The following SPNS2 variants were observed in gnomAD, a reference collection of about 807,000 sequenced individuals.
The protein encoded by SPNS2 is sphingosine-1-phosphate transporter SPNS2.
In SPNS2, 37 loss-of-function variants were observed where a neutral mutation model predicts 57.6. That is an observed-to-expected ratio of 0.64 (90% CI 0.49 to 0.85). The LOEUF is 0.85. Among genes scored for constraint, SPNS2 ranks in the 40% least tolerant of loss-of-function variants. The probability of loss-of-function intolerance (pLI) is 0.00; values close to 1 mark genes in which losing one functional copy is unlikely to be tolerated. For synonymous variants in SPNS2, 440 were observed against 346.9 expected, an observed-to-expected ratio of 1.27 and a Z score of -2.98; for missense variants, 831 against 779.1, an observed-to-expected ratio of 1.07 and a Z score of -0.79.
rs1906024211 is a variant in SPNS2, at chr17:4,538,716, G to T, written c.*1268G>T. Reference sequence around the variant, plus strand: ...ATGCTCTTCTTGCCCCTTAGTTACTGGCTGGCTGTGGCTTCAGTGGTGTGT... The same window carrying T: ...ATGCTCTTCTTGCCCCTTAGTTACTTGCTGGCTGTGGCTTCAGTGGTGTGT... On this transcript the variant is annotated 3_prime_UTR_variant, in exon 13 of 13. Transcript: ENST00000329078. The T allele has an allele frequency of 1.6e-6, 1 of 636,802 alleles. No homozygotes were observed. Among genetic ancestry groups the T allele is most frequent in the East Asian group, 2.7e-5 (1 of 36,806 alleles). The allele number at this position is 636,802 out of a possible 1,614,324, so 39.4% of individuals were successfully genotyped here.
In SPNS2 at chr17:4,508,022, C is replaced by T. The variant is rs115658289; in HGVS notation, c.371-5225C>T. 7.4e-3 allele frequency among the ~76,000 whole-genome samples: 1,123 copies of T among 152,282 alleles called. 20 individuals are homozygous for T. The highest frequency in any genetic ancestry group is 0.026 in the African/African-American group (1,068 of 41,550). On this transcript the variant is annotated intron_variant, in intron 1 of 12. Transcript: ENST00000329078. ...CCTCTCGGGGCTACTGAAGAACCAG[C>T]AGTGATGGGGAATCACTGTGAGTGT... is the stretch of plus-strand genomic sequence containing the variant.
intron 1 of SPNS2, among the ~76,000 whole-genome samples, chr17:4,509,670 G>T (rs964844688): frequency 6.6e-6 from 1 of 152,254 alleles, no homozygotes; most frequent in Admixed American, 6.5e-5. Context: ...CCCAGAGTAG[G>T]GGACGTTGGC....
chr17:4,530,305 G>T (rs1351231), intron 3 of SPNS2, among the ~76,000 whole-genome samples: 32,553 of 152,120 alleles, frequency 0.21, 3,967 homozygotes, highest in East Asian at 0.42. Context: ...CCAGTTGGTG[G>T]AGTAGTGGAG....
At chr17:4,532,910 G>A (rs1200253376) in intron 6 of SPNS2, 67 bp from the exon 7 acceptor site, 6 of 1,555,182 alleles carry the variant, frequency 3.9e-6, no homozygotes, top group African/African-American at 2.7e-5. Context: ...TTCCCCCAGT[G>A]CATGGGGCTG....
rs78604908 is a variant in SPNS2, at chr17:4,529,879, C to T, written c.574-753C>T. Among the ~76,000 whole-genome samples, 98 of 152,088 alleles carry T rather than the reference C, an allele frequency of 6.4e-4. 2 individuals carry two copies. Among genetic ancestry groups the T allele is most frequent in the African/African-American group, 1.6e-3 (67 of 41,490 alleles). Reference sequence around the variant, plus strand: ...ACCTGCAGGCACAGCAAGCCAGGAGCGAGGTGAGCAGATGGAGGGAAGTCA... The same window carrying T: ...ACCTGCAGGCACAGCAAGCCAGGAGTGAGGTGAGCAGATGGAGGGAAGTCA... On this transcript the variant is annotated intron_variant, in intron 3 of 12. Coordinates refer to ENST00000329078, the MANE Select transcript of SPNS2 (RefSeq NM_001124758.3).
Position 4,532,621 on chromosome 17 carries a change from A to G in SPNS2, c.872A>G (p.Gln291Arg), listed in dbSNP as rs1217472653. 6.2e-7 allele frequency: 1 copy of G among 1,613,980 alleles called. No homozygotes were observed. Among genetic ancestry groups the G allele is most frequent in the Non-Finnish European group, 8.5e-7 (1 of 1,180,018 alleles). ...GCCACTAAAAGGGGTCATGCCGACCAGCTCGGGGACCAGCTCAAGGCCCGG... is the reference window on the plus strand; with the variant it reads ...GCCACTAAAAGGGGTCATGCCGACCGGCTCGGGGACCAGCTCAAGGCCCGG... ...VPATKRGHAD[Q>R]LGDQLKARTS... Residue 291 changes from glutamine (Q) to arginine (R), a missense_variant, in exon 6 of 13, where the codon CAG (glutamine) becomes CGG (arginine). This residue lies in a region of SPNS2 where 526 missense variants were observed against 400.9 expected (regional missense o/e 1.31). Transcript: ENST00000329078.
intron 2 of SPNS2, among the ~76,000 whole-genome samples, chr17:4,517,060 C>T (rs1388636387): frequency 6.6e-6 from 1 of 152,232 alleles, no homozygotes; most frequent in African/African-American, 2.4e-5. Context: ...TTTCTTCGTT[C>T]TAACCGTGGG....
At chr17:4,527,628 G>A (rs781108870) in intron 3 of SPNS2, among the ~76,000 whole-genome samples, 3 of 152,346 alleles carry the variant, frequency 2.0e-5, no homozygotes, top group East Asian at 1.9e-4. Context: ...CGGCCAATAC[G>A]TGTAGGAAGA....
At position 4,532,021 on chromosome 17, in the gene SPNS2, G is replaced by A. The variant is rs372513612; in HGVS notation, c.793-521G>A. Among the ~76,000 whole-genome samples the A allele has an allele frequency of 2.8e-4, 42 of 152,162 alleles. 1 individual carries two copies. Among genetic ancestry groups the A allele is most frequent in the African/African-American group, 9.4e-4 (39 of 41,456 alleles). ...AGGGCCCTGCGGCTGAGGAACCTAC[G>A]TGGGGAACCTGCTCCAGGAATTTTC... On this transcript the variant is annotated intron_variant, in intron 5 of 12. Coordinates refer to ENST00000329078, the MANE Select transcript of SPNS2 (RefSeq NM_001124758.3).
In SPNS2 at chr17:4,538,251, C is replaced by CA. The variant is rs1041407065; in HGVS notation, c.*805dup. 6.5e-5 allele frequency: 13 copies of CA among 198,502 alleles called. No homozygotes were observed. Among genetic ancestry groups the CA allele is most frequent in the Admixed American group, 1.1e-4 (2 of 18,888 alleles). 12.3% of individuals were successfully genotyped at this position (198,502 alleles called of 1,614,324 possible). A position where few individuals can be genotyped will look rare whatever the true frequency, so the allele number is the denominator to read the frequency against. On this transcript the variant is annotated 3_prime_UTR_variant, in exon 13 of 13. Coordinates refer to ENST00000329078, the MANE Select transcript of SPNS2 (RefSeq NM_001124758.3). ...GGCTTCTCTCCCTGCCACCACCCCC[C>CA]AAGCCAGGACCCCACTCCTTCCCCG...
chr17:4,509,916 T>C (rs968499521), intron 1 of SPNS2, among the ~76,000 whole-genome samples: 5 of 152,176 alleles, frequency 3.3e-5, no homozygotes, highest in African/African-American at 1.2e-4. Context: ...GCCTGAGCTG[T>C]GGGAGGCTGC....
chr17:4,513,154 C>T, intron 1 of SPNS2, 93 bp from the exon 2 acceptor site: 1 of 1,400,112 alleles, frequency 7.1e-7, no homozygotes. Flanking sequence ...TATGGCCAGG[C>T]TGGGCCCTGC....
In SPNS2 at chr17:4,533,423, A is replaced by G. The variant is rs1299685641; in HGVS notation, c.1269A>G (p.Val423=). 1.0e-5 allele frequency: 16 copies of G among 1,603,846 alleles called. No individual in the cohort carries two copies. The highest frequency in any genetic ancestry group is 1.3e-5 in the Non-Finnish European group (15 of 1,175,512). The stretch of plus-strand genomic sequence containing the variant: ...TCGTGGCTGCCAAGAGCAGCATCGT[A>G]GGAGCCTATGTGAGTGCAGCGGGGG... ...LIFVAAKSSI[V]GAYICIFVGE... The change falls in exon 8 of 13, where the codon GTA becomes GTG. Residue 423 remains valine, a synonymous_variant. Coordinates refer to ENST00000329078, the MANE Select transcript of SPNS2 (RefSeq NM_001124758.3).
intron 2 of SPNS2, among the ~76,000 whole-genome samples, chr17:4,515,211 G>A (rs576868375): frequency 2.6e-5 from 4 of 152,278 alleles, no homozygotes; most frequent in South Asian, 2.1e-4. Flanking sequence ...TCCTCATCCC[G>A]GTGGCCTGGC....
At chr17:4,535,161 C>A (rs1221574352) in intron 9 of SPNS2, among the ~76,000 whole-genome samples, 1 of 152,144 alleles carries the variant, frequency 6.6e-6, no homozygotes, top group Non-Finnish European at 1.5e-5. Context: ...CTGTGCCTGT[C>A]CCGCCCCCAC....
rs532088170 is a variant in SPNS2 at position 4,519,631 on chromosome 17, G to A, written c.437-5426G>A. ...CACACCCTCCACAGGATGTCCCTGC[G>A]GGAACTGCTGGGAAAGCCGCCCCTA... On this transcript the variant is annotated intron_variant, in intron 2 of 12. Coordinates refer to ENST00000329078, the MANE Select transcript of SPNS2 (RefSeq NM_001124758.3). Among the ~76,000 whole-genome samples the A allele has an allele frequency of 5.7e-4, 3 of 5,230 alleles. No homozygotes were observed. The South Asian group carries it at 0.013, about 22-fold the overall frequency. The allele number at this position is 5,230 out of a possible 152,430, so 3.4% of individuals were successfully genotyped here.
At chr17:4,502,142 G>A (rs1359853188) in intron 1 of SPNS2, among the ~76,000 whole-genome samples, 1 of 152,132 alleles carries the variant, frequency 6.6e-6, no homozygotes, top group Non-Finnish European at 1.5e-5. Context: ...TTGGGAGGTC[G>A]AGGCGGGTGG....
In SPNS2 at chr17:4,538,667, A is replaced by AC. The variant is rs569678947; in HGVS notation, c.*1225dup. ...GGTGAGGCCTTGTGGCCAATGGGGG[A>AC]CCCCCCAAGAGCCAGCTTGGACAAT... On this transcript the variant is annotated 3_prime_UTR_variant, in exon 13 of 13. Transcript: ENST00000329078. 128 of 534,894 alleles carry AC rather than the reference A, an allele frequency of 2.4e-4. No individual in the cohort carries two copies. Among genetic ancestry groups the AC allele is most frequent in the South Asian group, 5.1e-4 (23 of 44,906 alleles). 33.1% of individuals were successfully genotyped at this position (534,894 alleles called of 1,614,324 possible).
At chr17:4,526,096 G>A (rs1353004082) in intron 3 of SPNS2, among the ~76,000 whole-genome samples, 5 of 152,230 alleles carry the variant, frequency 3.3e-5, no homozygotes, top group African/African-American at 1.2e-4. Context: ...AGGAACTCCT[G>A]TGTTCAGAGC....
Sources: gnomAD v4.1 joint callset for allele counts (sites outside exome capture counted in the v4.1 genomes callset) on GRCh38, gnomAD v4.1.1 for gene constraint, gnomAD v4.1.1 regional missense constraint, MANE v1.5 for transcripts, NCBI Gene and HGNC (gene_info 2026-07-23, HGNC 2026-07-21) for gene names.